The following FAF1 variants were observed in gnomAD, a reference collection of about 807,000 sequenced individuals.
FAF1 encodes the protein FAS-associated factor 1.
A neutral mutation model predicts 92.5 loss-of-function variants in FAF1; 25 were observed. The ratio of observed to expected loss-of-function variants is 0.27; its 90% CI spans 0.20 to 0.38. The LOEUF (loss-of-function observed/expected upper bound fraction) is 0.38. FAF1 is among the 10% of genes least tolerant of loss of function. The pLI is 1.00. For missense variants in FAF1, 636 were observed against 793.3 expected (o/e 0.80, Z 2.38); for synonymous variants, 234 against 273.2 (o/e 0.86, Z 1.42).
chr1:50,690,157 G>A (rs554520655), intron 7 of FAF1, among the ~76,000 whole-genome samples: 72 of 151,754 alleles, frequency 4.7e-4, no homozygotes, highest in African/African-American at 1.6e-3. Flanking sequence ...CACCATGCCC[G>A]GCTAATTTTA....
At chr1:50,609,153 T>C (rs920197584) in intron 8 of FAF1, among the ~76,000 whole-genome samples, 2 of 152,230 alleles carry the variant, frequency 1.3e-5, no homozygotes, top group African/African-American at 4.8e-5. Context: ...GAACAGTTTC[T>C]GCTTTGATAA....
At chr1:50,630,725 A>G (rs1426622225) in intron 8 of FAF1, among the ~76,000 whole-genome samples, 2 of 152,082 alleles carry the variant, frequency 1.3e-5, no homozygotes, top group Non-Finnish European at 2.9e-5. Context: ...GTATCATATA[A>G]TAATACAATT....
chr1:50,498,918 C>T (rs1646943070), intron 15 of FAF1, among the ~76,000 whole-genome samples: 1 of 151,470 alleles, frequency 6.6e-6, no homozygotes, highest in Admixed American at 6.6e-5. Flanking sequence ...GTATAAATGG[C>T]CAGTACAGGC....
intron 1 of FAF1, among the ~76,000 whole-genome samples, chr1:50,913,516 A>G (rs940135710): frequency 3.3e-5 from 5 of 152,356 alleles, no homozygotes; most frequent in African/African-American, 1.2e-4. Context: ...AGATGTTAAC[A>G]TCAAAAAAGG....
At chr1:50,623,030 C>T (rs1371373011) in intron 8 of FAF1, among the ~76,000 whole-genome samples, 1 of 152,114 alleles carries the variant, frequency 6.6e-6, no homozygotes, top group Non-Finnish European at 1.5e-5. Flanking sequence ...TCACTAATAT[C>T]ATCTTCTCCT....
chr1:50,759,306 C>G (rs1231964413), intron 4 of FAF1, among the ~76,000 whole-genome samples: 5 of 126,834 alleles, frequency 3.9e-5, no homozygotes, highest in African/African-American at 1.5e-4. Flanking sequence ...CCCCCTCCCC[C>G]CCACCCCACA....
intron 6 of FAF1, among the ~76,000 whole-genome samples, chr1:50,736,724 C>A (rs575628580): frequency 2.0e-5 from 3 of 151,588 alleles, no homozygotes; most frequent in Non-Finnish European, 4.4e-5. Context: ...GTACTCCAGC[C>A]TGGGCAACAA....
intron 1 of FAF1, among the ~76,000 whole-genome samples, chr1:50,886,693 A>G (rs1644668773): frequency 1.3e-5 from 2 of 152,108 alleles, no homozygotes; most frequent in African/African-American, 4.8e-5. Flanking sequence ...CCATGTCCCT[A>G]CAAAGGACAT....
intron 2 of FAF1, among the ~76,000 whole-genome samples, chr1:50,847,886 T>TAC (rs1644315278): frequency 6.6e-6 from 1 of 150,960 alleles, no homozygotes; most frequent in Admixed American, 6.7e-5. Flanking sequence ...AATGCACACA[T>TAC]ATACACACAC....
intron 6 of FAF1, among the ~76,000 whole-genome samples, chr1:50,718,719 G>A (rs996722055): frequency 2.0e-5 from 3 of 151,984 alleles, no homozygotes. Context: ...TTAAAATGTG[G>A]TATTGAATTT....
chr1:50,816,521 G>C (rs937492014), intron 2 of FAF1, among the ~76,000 whole-genome samples: 2 of 152,014 alleles, frequency 1.3e-5, no homozygotes, highest in Non-Finnish European at 2.9e-5. Flanking sequence ...ACTTTTTAAC[G>C]GGGCTATTTG....
At chr1:50,443,609 C>A (rs1646194320) in intron 18 of FAF1, among the ~76,000 whole-genome samples, 1 of 152,134 alleles carries the variant, frequency 6.6e-6, no homozygotes. Context: ...TCACTTCCTA[C>A]CAGTATGACT....
chr1:50,736,221 A>G (rs1659129754), intron 6 of FAF1, among the ~76,000 whole-genome samples: 1 of 152,238 alleles, frequency 6.6e-6, no homozygotes, highest in African/African-American at 2.4e-5. Flanking sequence ...ATTCCCAAAT[A>G]TAACACTTAG....
Position 50,859,515 on chromosome 1 carries a change from C to A in FAF1, c.46-1518G>T, listed in dbSNP as rs368505105. Among the ~76,000 whole-genome samples the A allele has an allele frequency of 4.6e-4, 70 of 151,876 alleles. 1 individual carries two copies. The South Asian group carries it at 7.9e-3, about 17-fold the overall frequency. On this transcript the variant is annotated intron_variant, in intron 1 of 18. Transcript: ENST00000396153. ...AATATAATCCCATTTACAATAGCCACAAAGAAAATGAAATACCTAGGAATG... is the reference window on the plus strand; with the variant it reads ...AATATAATCCCATTTACAATAGCCAAAAAGAAAATGAAATACCTAGGAATG...
chr1:50,930,530 G>A (rs1029873741), intron 1 of FAF1, among the ~76,000 whole-genome samples: 3 of 152,178 alleles, frequency 2.0e-5, no homozygotes, highest in African/African-American at 7.2e-5. Flanking sequence ...CAAAGCTGCT[G>A]TAAGGATTAA....
intron 8 of FAF1, among the ~76,000 whole-genome samples, chr1:50,608,996 G>A (rs754291594): frequency 1.3e-5 from 2 of 152,190 alleles, no homozygotes; most frequent in Non-Finnish European, 2.9e-5. Flanking sequence ...TTGACTGTAT[G>A]AATGTTGCTA....
intron 4 of FAF1, among the ~76,000 whole-genome samples, chr1:50,779,368 T>C (rs1661079270): frequency 6.6e-6 from 1 of 152,190 alleles, no homozygotes; most frequent in South Asian, 2.1e-4. Context: ...GTTTTCAATG[T>C]ACTTTGCCAA....
intron 8 of FAF1, among the ~76,000 whole-genome samples, chr1:50,640,549 G>C (rs1302344295): frequency 6.6e-6 from 1 of 151,868 alleles, no homozygotes; most frequent in Non-Finnish European, 1.5e-5. Context: ...CCATGTTATG[G>C]CAGGATTTTT....
intron 7 of FAF1, among the ~76,000 whole-genome samples, chr1:50,663,577 A>AT (rs1221609074): frequency 1.3e-5 from 2 of 150,964 alleles, no homozygotes; most frequent in East Asian, 1.9e-4. Context: ...TAATTTTTGT[A>AT]TTTTTTTAGT....
Sources: gnomAD v4.1 joint callset for allele counts (sites outside exome capture counted in the v4.1 genomes callset) on GRCh38, gnomAD v4.1.1 for gene constraint, MANE v1.5 for transcripts, NCBI Gene and HGNC (gene_info 2026-07-23, HGNC 2026-07-21) for gene names.